The following CDH13 variants were observed in gnomAD, a reference collection of about 807,000 sequenced individuals.
The protein encoded by CDH13 is cadherin 13, also known as cadherin-13.
In CDH13, 24 loss-of-function variants were observed where a neutral mutation model predicts 63.8. The ratio of observed to expected loss-of-function variants is 0.38; its 90% CI spans 0.27 to 0.53. The LOEUF (loss-of-function observed/expected upper bound fraction) is 0.53. Among genes scored for constraint, CDH13 ranks in the 20% least tolerant of loss-of-function variants. The probability of loss-of-function intolerance (pLI) is 0.85; values close to 1 mark genes in which losing one functional copy is unlikely to be tolerated. For missense variants in CDH13, 1,049 were observed against 903.1 expected (o/e 1.16, Z -2.07); for synonymous variants, 503 against 355.3 (o/e 1.42, Z -4.67).
chr16:82,709,963 G>T (rs895393096), intron 1 of CDH13, among the ~76,000 whole-genome samples: 12 of 151,980 alleles, frequency 7.9e-5, no homozygotes, highest in African/African-American at 2.9e-4. Flanking sequence ...CTACATAAGG[G>T]ATGTCCCAAA....
chr16:83,431,496 A>G (rs1307036976), intron 6 of CDH13, among the ~76,000 whole-genome samples: 2 of 152,062 alleles, frequency 1.3e-5, no homozygotes, highest in African/African-American at 2.4e-5. Flanking sequence ...TTGCATGGCT[A>G]TAACTAACTA....
At chr16:83,644,794 G>C (rs1207079597) in intron 8 of CDH13, among the ~76,000 whole-genome samples, 1 of 152,180 alleles carries the variant, frequency 6.6e-6, no homozygotes, top group Non-Finnish European at 1.5e-5. Context: ...ACAGCAATTG[G>C]ACGGATACTA....
chr16:83,077,186 C>CTT (rs34536219), intron 3 of CDH13, among the ~76,000 whole-genome samples: 1,505 of 59,168 alleles, frequency 0.025, 250 homozygotes, highest in East Asian at 0.035. Context: ...TTTTTCTTTT[C>CTT]TTTTTTTTTT....
intron 8 of CDH13, among the ~76,000 whole-genome samples, chr16:83,632,116 A>T (rs1345520547): frequency 1.3e-5 from 2 of 152,188 alleles, no homozygotes; most frequent in African/African-American, 4.8e-5. Context: ...GGGAGGAGGC[A>T]AGCAGGGAGG....
At position 83,578,185 on chromosome 16, in the gene CDH13, G is replaced by A. The variant is rs915578202; in HGVS notation, c.961-24269G>A. Among the ~76,000 whole-genome samples, 6 of 152,298 alleles carry A rather than the reference G, an allele frequency of 3.9e-5. No individual in the cohort carries two copies. The East Asian group carries it at 5.8e-4, about 15-fold the overall frequency. ...TTATGAGTTTGTTTAAATGGTACCCGGGTGAAAATATATCGCTGGCTAGCC... is the reference window on the plus strand; with the variant it reads ...TTATGAGTTTGTTTAAATGGTACCCAGGTGAAAATATATCGCTGGCTAGCC... On this transcript the variant is annotated intron_variant, in intron 7 of 13. Coordinates refer to ENST00000567109, the MANE Select transcript of CDH13 (RefSeq NM_001257.5).
At chr16:83,529,143 C>T (rs1304622862) in intron 7 of CDH13, among the ~76,000 whole-genome samples, 1 of 145,248 alleles carries the variant, frequency 6.9e-6, no homozygotes, top group East Asian at 2.0e-4. Flanking sequence ...CTTGCTTCTT[C>T]AGGAAGTTAA....
chr16:83,490,825 A>T (rs1302291394), intron 7 of CDH13, among the ~76,000 whole-genome samples: 1 of 152,214 alleles, frequency 6.6e-6, no homozygotes, highest in African/African-American at 2.4e-5. Flanking sequence ...AGTTTCCCCA[A>T]GACATGTGCG....
intron 1 of CDH13, among the ~76,000 whole-genome samples, chr16:82,808,737 A>C (rs1406773565): frequency 6.6e-6 from 1 of 152,192 alleles, no homozygotes; most frequent in Non-Finnish European, 1.5e-5. Context: ...GTACCCACTT[A>C]ATGGATAAGA....
intron 7 of CDH13, among the ~76,000 whole-genome samples, chr16:83,559,861 T>C (rs984697439): frequency 2.0e-5 from 3 of 152,140 alleles, no homozygotes; most frequent in Non-Finnish European, 1.5e-5. Flanking sequence ...CCAAATTCTC[T>C]GATTAAGAAA....
chr16:83,519,594 G>T (rs2151617180), intron 7 of CDH13, among the ~76,000 whole-genome samples: 1 of 152,326 alleles, frequency 6.6e-6, no homozygotes, highest in South Asian at 2.1e-4. Context: ...TTGATCAGAA[G>T]TCAGAGAAGT....
intron 6 of CDH13, among the ~76,000 whole-genome samples, chr16:83,471,235 G>A (rs918274078): frequency 6.6e-6 from 1 of 150,406 alleles, no homozygotes; most frequent in Non-Finnish European, 1.5e-5. Context: ...TTGGGGATTA[G>A]GATATAGGAA....
chr16:83,089,730 C>A (rs1038724886), intron 3 of CDH13, among the ~76,000 whole-genome samples: 1 of 152,152 alleles, frequency 6.6e-6, no homozygotes, highest in Admixed American at 6.5e-5. Flanking sequence ...CACGACTTTG[C>A]TATAAGGGCT....
chr16:83,217,480 G>A lies in CDH13; in HGVS notation c.619G>A (p.Val207Ile). Residue 207 changes from valine (V) to isoleucine (I), a missense_variant, in exon 5 of 14, where the codon GTA (valine) becomes ATA (isoleucine). Val to Ile is a conservative substitution (Grantham distance 29). Coordinates refer to ENST00000567109, the MANE Select transcript of CDH13 (RefSeq NM_001257.5). The stretch of plus-strand genomic sequence containing the variant: ...CGTGACACGGACCTTGGACAGAGAA[G>A]TAATCGCTGTTTATCAAGTGAGTAC... ...VSVTRTLDRE[V>I]IAVYQLFVET... 1 of 1,613,696 alleles carries A rather than the reference G, an allele frequency of 6.2e-7. No homozygotes were observed. The highest frequency in any genetic ancestry group is 8.5e-7 in the Non-Finnish European group (1 of 1,179,684).
chr16:82,628,222 T>C (rs1469072829), intron 1 of CDH13, among the ~76,000 whole-genome samples: 2 of 151,878 alleles, frequency 1.3e-5, no homozygotes, highest in African/African-American at 2.4e-5. Flanking sequence ...GGACTTGGAG[T>C]GAGCTGGCAG....
chr16:82,909,028 A>G (rs1025361164), intron 2 of CDH13, among the ~76,000 whole-genome samples: 2 of 152,162 alleles, frequency 1.3e-5, no homozygotes, highest in African/African-American at 2.4e-5. Flanking sequence ...CCTGAAACCA[A>G]TCTTCTCCAT....
At chr16:82,838,024 C>T (rs2038842878) in intron 1 of CDH13, among the ~76,000 whole-genome samples, 1 of 152,184 alleles carries the variant, frequency 6.6e-6, no homozygotes, top group Non-Finnish European at 1.5e-5. Flanking sequence ...CTGGCTTCAT[C>T]CCCAGTACTA....
chr16:83,399,934 A>G lies in CDH13; in HGVS notation c.781+54928A>G, dbSNP rs1366391426. Among the ~76,000 whole-genome samples the G allele has an allele frequency of 2.6e-5, 4 of 152,208 alleles. No homozygotes were observed. The East Asian group carries it at 7.7e-4, about 29-fold the overall frequency. On this transcript the variant is annotated intron_variant, in intron 6 of 13. Transcript: ENST00000567109. ...AGTTTAAATATGTGATGTAAATAGG[A>G]CATTATAAGAACAAACACCAAAAAA...
At chr16:83,372,127 C>G (rs538564747) in intron 6 of CDH13, among the ~76,000 whole-genome samples, 3 of 152,308 alleles carry the variant, frequency 2.0e-5, no homozygotes, top group Admixed American at 6.5e-5. Context: ...CTACGCCTTT[C>G]AGATGTACAC....
At chr16:82,794,142 A>G (rs2036461113) in intron 1 of CDH13, among the ~76,000 whole-genome samples, 1 of 151,944 alleles carries the variant, frequency 6.6e-6, no homozygotes, top group Non-Finnish European at 1.5e-5. Flanking sequence ...AGTTTCTTAA[A>G]AGGTTATGAA....
Sources: gnomAD v4.1 joint callset for allele counts (sites outside exome capture counted in the v4.1 genomes callset) on GRCh38, gnomAD v4.1.1 for gene constraint, MANE v1.5 for transcripts, NCBI Gene and HGNC (gene_info 2026-07-23, HGNC 2026-07-21) for gene names.